SFMBT2: variants seen among roughly 807,000 people sequenced by gnomAD.
SFMBT2 encodes the protein scm-like with four MBT domains protein 2.
In SFMBT2, 38 loss-of-function variants were observed where a neutral mutation model predicts 110.1. The observed-to-expected ratio is 0.35, with a 90% CI of 0.27 to 0.45. The LOEUF (loss-of-function observed/expected upper bound fraction) is 0.45, where lower values mean the gene tolerates loss of function less well. SFMBT2 is among the 20% of genes least tolerant of loss of function. The pLI is 1.00. For synonymous variants in SFMBT2, 425 were observed against 425.4 expected, an observed-to-expected ratio of 1.00 and a Z score of 0.01; for missense variants, 1,011 against 1,094.9, an observed-to-expected ratio of 0.92 and a Z score of 1.08.
chr10:7,262,921 C>T (rs115129952), intron 7 of SFMBT2, among the ~76,000 whole-genome samples: 2,143 of 152,298 alleles, frequency 0.014, 49 homozygotes, highest in African/African-American at 0.049. Flanking sequence ...AACCCCACCT[C>T]GCAGTTCTGT....
intron 11 of SFMBT2, among the ~76,000 whole-genome samples, chr10:7,207,385 A>G (rs4748762): frequency 0.81 from 118,454 of 146,960 alleles, 48,517 homozygotes; most frequent in East Asian, 0.99. Flanking sequence ...AGGAAGGAAG[A>G]AAGAAAGAAA....
At chr10:7,364,285 A>G (rs1002295254) in intron 4 of SFMBT2, among the ~76,000 whole-genome samples, 1 of 152,246 alleles carries the variant, frequency 6.6e-6, no homozygotes, top group Non-Finnish European at 1.5e-5. Flanking sequence ...TAAGTTGTTA[A>G]CAATTGAAAA....
chr10:7,347,548 C>T (rs1227523663), intron 4 of SFMBT2, among the ~76,000 whole-genome samples: 1 of 152,026 alleles, frequency 6.6e-6, no homozygotes, highest in African/African-American at 2.4e-5. Context: ...AAAAGAAACC[C>T]GCAAAAATGA....
chr10:7,372,008 C>A (rs1369456437), intron 2 of SFMBT2, among the ~76,000 whole-genome samples: 1 of 136,936 alleles, frequency 7.3e-6, no homozygotes, highest in Admixed American at 8.2e-5. Context: ...CTCACTACAA[C>A]CTCCACCCCC....
chr10:7,285,825 G>A (rs1234627677), intron 5 of SFMBT2, 41 bp downstream of exon 5: 1 of 856,852 alleles, frequency 1.2e-6, no homozygotes, highest in Non-Finnish European at 2.1e-6. Context: ...CGTAACTGGG[G>A]TGCTTCAGAG....
chr10:7,322,380 T>C (rs1449726041), intron 4 of SFMBT2, among the ~76,000 whole-genome samples: 1 of 152,172 alleles, frequency 6.6e-6, no homozygotes, highest in Admixed American at 6.5e-5. Context: ...TATTTCTTCA[T>C]AACAGTATGA....
chr10:7,217,828 C>T (rs1839591027), intron 11 of SFMBT2, among the ~76,000 whole-genome samples: 1 of 152,218 alleles, frequency 6.6e-6, no homozygotes, highest in African/African-American at 2.4e-5. Context: ...TAGGAGAAGG[C>T]ACTGCCTCCT....
chr10:7,244,026 C>A (rs1338927280), intron 8 of SFMBT2: 49 of 817,388 alleles, frequency 6.0e-5, no homozygotes, highest in Non-Finnish European at 6.9e-5. Flanking sequence ...GACAGACAAA[C>A]CCCAGCTTAG....
At chr10:7,390,173 A>G (rs956330781) in intron 1 of SFMBT2, among the ~76,000 whole-genome samples, 7 of 152,122 alleles carry the variant, frequency 4.6e-5, no homozygotes, top group Non-Finnish European at 8.8e-5. Context: ...GAGGACCTGA[A>G]TTTTAATTTT....
intron 15 of SFMBT2, among the ~76,000 whole-genome samples, chr10:7,195,655 A>G (rs570984872): frequency 4.6e-5 from 7 of 152,048 alleles, no homozygotes; most frequent in Non-Finnish European, 1.0e-4. Flanking sequence ...TCCCTCCTTC[A>G]TCACCCGCAC....
intron 7 of SFMBT2, among the ~76,000 whole-genome samples, chr10:7,276,296 G>A (rs1841772831): frequency 6.6e-6 from 1 of 152,122 alleles, no homozygotes; most frequent in South Asian, 2.1e-4. Context: ...AATTAGACTT[G>A]CTATATTTCC....
chr10:7,364,264 T>G (rs192447852), intron 4 of SFMBT2, among the ~76,000 whole-genome samples: 1 of 152,352 alleles, frequency 6.6e-6, no homozygotes, highest in African/African-American at 2.4e-5. Context: ...GAAGAATTCC[T>G]CAAATTAGCA....
At position 7,169,903 on chromosome 10, in the gene SFMBT2, C is replaced by T. The variant is rs571311649; in HGVS notation, c.2544+1025G>A. Reference sequence around the variant, plus strand: ...TCCTTTAAGGTAGAAATTATATCGACTGTTATTGCATTTGTCCATCACCAT... The same window carrying T: ...TCCTTTAAGGTAGAAATTATATCGATTGTTATTGCATTTGTCCATCACCAT... On this transcript the variant is annotated intron_variant, in intron 20 of 20. Transcript: ENST00000397167. Among the ~76,000 whole-genome samples the T allele has an allele frequency of 2.6e-5, 4 of 152,304 alleles. No homozygotes were observed. In the South Asian group the frequency reaches 6.2e-4, roughly 24 times the overall value.
intron 1 of SFMBT2, chr10:7,409,210 A>G (rs1483143312): frequency 6.6e-6 from 1 of 151,986 alleles, no homozygotes; most frequent in Non-Finnish European, 1.5e-5. Context: ...CGCCCCCTGC[A>G]CACACGAAAT....
At chr10:7,246,521 C>G (rs1450554749) in intron 8 of SFMBT2, among the ~76,000 whole-genome samples, 1 of 151,856 alleles carries the variant, frequency 6.6e-6, no homozygotes, top group Non-Finnish European at 1.5e-5. Context: ...GAGTTCGAGA[C>G]CAGCCTGGTC....
rs187460036 is a variant in SFMBT2, at chr10:7,216,683, G to A, written c.1330+3728C>T. Among the ~76,000 whole-genome samples the A allele has an allele frequency of 3.2e-3, 489 of 152,140 alleles. 1 individual carries two copies. The highest frequency in any genetic ancestry group is 2.3e-3 in the African/African-American group (94 of 41,504). ...CGTTTAAGCAAAGTTTGTGGTCACCGTCCCCACATATCCTGTAGCCTCTGA... is the reference window on the plus strand; with the variant it reads ...CGTTTAAGCAAAGTTTGTGGTCACCATCCCCACATATCCTGTAGCCTCTGA... On this transcript the variant is annotated intron_variant, in intron 11 of 20. Transcript: ENST00000397167.
intron 4 of SFMBT2, among the ~76,000 whole-genome samples, chr10:7,353,651 GAA>G (rs1844401997): frequency 3.9e-5 from 6 of 152,188 alleles, no homozygotes; most frequent in Admixed American, 3.9e-4. Context: ...TTGGCGTTGA[GAA>G]ATGTTTCATT....
Position 7,370,264 on chromosome 10 carries a change from C to T in SFMBT2, c.195+17G>A. On this transcript the variant is annotated intron_variant, in intron 3 of 20. Coordinates refer to ENST00000397167, the MANE Select transcript of SFMBT2 (RefSeq NM_001387889.1). The stretch of plus-strand genomic sequence containing the variant: ...CCACTTTCTAGACACAGAGAAGACA[C>T]AAGCTGCTTTACATACGTGTTTGAA... The T allele has an allele frequency of 6.2e-7, 1 of 1,607,656 alleles. No individual in the cohort carries two copies. Among genetic ancestry groups the T allele is most frequent in the Non-Finnish European group, 8.5e-7 (1 of 1,174,206 alleles).
chr10:7,395,044 C>A (rs1381889903), intron 1 of SFMBT2, among the ~76,000 whole-genome samples: 1 of 152,184 alleles, frequency 6.6e-6, no homozygotes, highest in Non-Finnish European at 1.5e-5. Context: ...TTGGGCCGGG[C>A]ACAGTGGCTC....
Sources: allele counts gnomAD v4.1 joint callset (sites outside exome capture counted in the v4.1 genomes callset), GRCh38; gene constraint gnomAD v4.1.1; transcripts MANE v1.5; gene names NCBI Gene and HGNC (gene_info 2026-07-23, HGNC 2026-07-21).